The following PPP2R3C variants were observed in gnomAD, a reference collection of about 807,000 sequenced individuals.
The protein encoded by PPP2R3C is protein phosphatase 2 regulatory subunit B''gamma.
A neutral mutation model predicts 63.7 loss-of-function variants in PPP2R3C; 47 were observed. The observed-to-expected ratio is 0.74, with a 90% confidence interval of 0.58 to 0.94. The LOEUF (loss-of-function observed/expected upper bound fraction) is 0.94. PPP2R3C is among the 40% of genes least tolerant of loss of function. The pLI is 0.00. For missense variants in PPP2R3C, 421 were observed against 518.4 expected (o/e 0.81, Z 1.82); for synonymous variants, 180 against 177.4 (o/e 1.01, Z -0.12).
rs574397542 is a variant in PPP2R3C, at chr14:35,090,390, T to G, written c.1113+680A>C. 2.5e-3 allele frequency among the ~76,000 whole-genome samples: 383 copies of G among 151,812 alleles called. 1 individual carries two copies. The highest frequency in any genetic ancestry group is 4.7e-3 in the Non-Finnish European group (318 of 67,936). Reference sequence around the variant, plus strand: ...CCAAGTAGCTGGGATTACAGGCATGTGGACCCAGTTATTGGGGAGGCTGAG... The same window carrying G: ...CCAAGTAGCTGGGATTACAGGCATGGGGACCCAGTTATTGGGGAGGCTGAG... On this transcript the variant is annotated intron_variant, in intron 11 of 12. Coordinates refer to ENST00000261475, the MANE Select transcript of PPP2R3C (RefSeq NM_017917.4).
intron 6 of PPP2R3C, 34 bp downstream of exon 6, chr14:35,107,270 G>C (rs770106009): frequency 3.7e-5 from 55 of 1,489,630 alleles, no homozygotes; most frequent in Non-Finnish European, 4.4e-5. Context: ...GTGTCTATAA[G>C]AGTTAATATA....
At chr14:35,118,779 G>C (rs889491773) in intron 1 of PPP2R3C, among the ~76,000 whole-genome samples, 23 of 150,128 alleles carry the variant, frequency 1.5e-4, no homozygotes, top group African/African-American at 5.6e-4. Context: ...TCAGCCTCCT[G>C]AGTAGCTGGG....
chr14:35,117,622 C>T (rs754629863), intron 1 of PPP2R3C, among the ~76,000 whole-genome samples: 4 of 152,118 alleles, frequency 2.6e-5, no homozygotes, highest in Non-Finnish European at 4.4e-5. Context: ...TCTTTCTGGT[C>T]TCATTTCCTT....
intron 7 of PPP2R3C, among the ~76,000 whole-genome samples, chr14:35,098,375 G>A (rs1357072470): frequency 5.8e-5 from 7 of 120,062 alleles, no homozygotes; most frequent in East Asian, 2.7e-4. Flanking sequence ...TTTTTGAGAC[G>A]GAATTTCCCT....
At chr14:35,118,975 A>C (rs1327147788) in intron 1 of PPP2R3C, among the ~76,000 whole-genome samples, 8 of 150,690 alleles carry the variant, frequency 5.3e-5, no homozygotes, top group Admixed American at 5.3e-4. Flanking sequence ...TTCTTTGAGA[A>C]GTTTTCCTAT....
At position 35,090,918 on chromosome 14, in the gene PPP2R3C, T is replaced by C. The variant is rs567498690; in HGVS notation, c.1113+152A>G. On this transcript the variant is annotated intron_variant, in intron 11 of 12. Coordinates refer to ENST00000261475, the MANE Select transcript of PPP2R3C (RefSeq NM_017917.4). ...TTTTAGTAGAGACGGGGTTTCACCATGTTAGCCAGGATGGTCTCTATCTCC... is the reference window on the plus strand; with the variant it reads ...TTTTAGTAGAGACGGGGTTTCACCACGTTAGCCAGGATGGTCTCTATCTCC... The C allele has an allele frequency of 6.6e-4, 371 of 563,232 alleles. 1 individual carries two copies. The highest frequency in any genetic ancestry group is 6.4e-3 in the African/African-American group (333 of 51,662). The allele number at this position is 563,232 out of a possible 1,614,324, so 34.9% of individuals were successfully genotyped here.
chr14:35,122,071 C>T, upstream of PPP2R3C: 1 of 1,139,806 alleles, frequency 8.8e-7, no homozygotes, highest in Non-Finnish European at 1.3e-6. Flanking sequence ...GGCCGTCCAA[C>T]CACCATCTTG....
chr14:35,086,059 C>T (rs2138587054), intron 12 of PPP2R3C: 1 of 324,082 alleles, frequency 3.1e-6, no homozygotes, highest in Non-Finnish European at 5.6e-6. Flanking sequence ...GGCTCAGTGC[C>T]TAATCTAGCT....
At chr14:35,090,757 C>T (rs2045783880) in intron 11 of PPP2R3C, among the ~76,000 whole-genome samples, 1 of 147,840 alleles carries the variant, frequency 6.8e-6, no homozygotes, top group African/African-American at 2.5e-5. Context: ...GCTCTGTCGC[C>T]CAGGCTGGAG....
At chr14:35,107,166 G>A in intron 6 of PPP2R3C, 138 bp downstream of exon 6, 1 of 550,120 alleles carries the variant, frequency 1.8e-6, no homozygotes, top group Non-Finnish European at 3.1e-6. Flanking sequence ...AACTAAATAT[G>A]TACACACAAA....
intron 12 of PPP2R3C, chr14:35,087,750 G>C (rs1332998667): frequency 1.9e-6 from 1 of 537,332 alleles, no homozygotes; most frequent in Non-Finnish European, 3.3e-6. Context: ...AAAACATAAT[G>C]ATGACAATAC....
At chr14:35,102,799 C>T (rs12100944) in intron 6 of PPP2R3C, 16,343 of 152,198 alleles carry the variant, frequency 0.11, 1,086 homozygotes, top group African/African-American at 0.19. Context: ...CTTGCTCTGT[C>T]GCCCAAGCTG....
intron 12 of PPP2R3C, chr14:35,087,704 G>C (rs1255123439): frequency 1.2e-5 from 5 of 426,038 alleles, no homozygotes; most frequent in Non-Finnish European, 2.1e-5. Flanking sequence ...CCGGCCCCCT[G>C]ACTGTCTTAA....
At position 35,091,081 on chromosome 14, in the gene PPP2R3C, AATT is replaced by A. The variant is rs765174630; in HGVS notation, c.1099_1101del (p.Asn367del). On this transcript the variant is annotated inframe_deletion, in exon 11 of 13. Coordinates refer to ENST00000261475, the MANE Select transcript of PPP2R3C (RefSeq NM_017917.4). ...CAAATGAGACTTACCCTAAAGAAAT[AATT>A]AAGTGAAAAGACATTCAGGTATCCT... 4.4e-6 allele frequency: 7 copies of A among 1,602,582 alleles called. No homozygotes were observed. The South Asian group carries it at 7.8e-5, about 18-fold the overall frequency.
At chr14:35,100,435 T>C (rs907215584) in intron 6 of PPP2R3C, 1 of 152,174 alleles carries the variant, frequency 6.6e-6, no homozygotes, top group Non-Finnish European at 1.5e-5. Context: ...CCACCAGCAA[T>C]GTGAAGGCTA....
At chr14:35,109,213 C>G (rs551177166) in intron 4 of PPP2R3C, among the ~76,000 whole-genome samples, 9 of 151,930 alleles carry the variant, frequency 5.9e-5, no homozygotes, top group South Asian at 4.2e-4. Context: ...CACGCCACCA[C>G]GCCCAGCTAA....
At chr14:35,118,071 T>C (rs940852629) in intron 1 of PPP2R3C, among the ~76,000 whole-genome samples, 2 of 152,136 alleles carry the variant, frequency 1.3e-5, no homozygotes, top group Non-Finnish European at 2.9e-5. Flanking sequence ...TGTAGAAAAC[T>C]GCAAAATTTT....
At position 35,085,504 on chromosome 14, in the gene PPP2R3C, A is replaced by G. The variant is rs1384114629; in HGVS notation, c.*86T>C. ...TCTAGGCATATCAAGTGTTTTATTT[A>G]GACCATTTCTGAGGATTTTGCTTTA... On this transcript the variant is annotated 3_prime_UTR_variant, in exon 13 of 13. Transcript: ENST00000261475. The G allele has an allele frequency of 2.4e-6, 3 of 1,247,056 alleles. No homozygotes were observed. Among genetic ancestry groups the G allele is most frequent in the Admixed American group, 2.6e-5 (1 of 38,392 alleles). 77.2% of individuals were successfully genotyped at this position (1,247,056 alleles called of 1,614,324 possible). A position where few individuals can be genotyped will look rare whatever the true frequency, so the allele number is the denominator to read the frequency against.
chr14:35,089,729 A>C (rs1343583477), intron 11 of PPP2R3C, among the ~76,000 whole-genome samples: 1 of 151,894 alleles, frequency 6.6e-6, no homozygotes, highest in Non-Finnish European at 1.5e-5. Context: ...GCAGTGGCGC[A>C]ATCTCGGCTC....
Sources: gnomAD v4.1 joint callset for allele counts (sites outside exome capture counted in the v4.1 genomes callset) on GRCh38, gnomAD v4.1.1 for gene constraint, MANE v1.5 for transcripts, NCBI Gene and HGNC (gene_info 2026-07-23, HGNC 2026-07-21) for gene names.